PLSCR2: variants seen among roughly 807,000 people sequenced by gnomAD.
PLSCR2 encodes PL scramblase 2.
A neutral mutation model predicts 25.3 loss-of-function variants in PLSCR2; 18 were observed. That is an observed-to-expected ratio of 0.71 (90% confidence interval 0.49 to 1.06). The LOEUF (loss-of-function observed/expected upper bound fraction) is 1.06. Among genes scored for constraint, PLSCR2 ranks in the 50% least tolerant of loss-of-function variants. PLSCR2 has a pLI of 0.00. For missense variants in PLSCR2, 243 were observed against 269.5 expected, an observed-to-expected ratio of 0.90 and a Z score of 0.69; for synonymous variants, 88 against 87.3, an observed-to-expected ratio of 1.01 and a Z score of -0.04.
At chr3:146,477,065 C>T (rs1036297011) in intron 1 of PLSCR2, among the ~76,000 whole-genome samples, 53 of 152,188 alleles carry the variant, frequency 3.5e-4, no homozygotes, top group Admixed American at 1.9e-3. Flanking sequence ...TGAGAACCCC[C>T]GCAAACAGAG....
intron 2 of PLSCR2, among the ~76,000 whole-genome samples, chr3:146,418,911 T>C (rs1015719326): frequency 2.0e-5 from 3 of 152,154 alleles, no homozygotes; most frequent in African/African-American, 7.2e-5. Flanking sequence ...CTTTGTGTGA[T>C]TGAATACTCT....
Position 146,459,854 on chromosome 3 carries a change from T to C in PLSCR2, c.51A>G (p.Leu17=), listed in dbSNP as rs1226237763. Residue 17 remains leucine (L), a synonymous_variant, in exon 2 of 7, where the codon TTA becomes TTG. Coordinates refer to ENST00000610787, the Ensembl canonical transcript of PLSCR2. Reference sequence around the variant, plus strand: ...TTTACGTATTTGAAATTACCTGACTTAAGTATTCCAATCCTGGCGGACAGT... The same window carrying C: ...TTTACGTATTTGAAATTACCTGACTCAAGTATTCCAATCCTGGCGGACAGT... The C allele has an allele frequency of 1.9e-6, 3 of 1,608,496 alleles. No individual in the cohort carries two copies. In the South Asian group the frequency reaches 3.3e-5, roughly 18 times the overall value.
intron 1 of PLSCR2, among the ~76,000 whole-genome samples, chr3:146,473,874 C>T (rs1259605215): frequency 6.6e-6 from 1 of 152,186 alleles, no homozygotes. Context: ...CCAGGGACTT[C>T]ACTTTAAGAA....
chr3:146,458,050 C>A (rs2041322633), intron 3 of PLSCR2, among the ~76,000 whole-genome samples: 1 of 152,086 alleles, frequency 6.6e-6, no homozygotes, highest in South Asian at 2.1e-4. Flanking sequence ...TACACAAACA[C>A]AAGGTAAATG....
At chr3:146,452,062 C>T (rs1026659260) in intron 5 of PLSCR2, among the ~76,000 whole-genome samples, 1 of 152,132 alleles carries the variant, frequency 6.6e-6, no homozygotes, top group Non-Finnish European at 1.5e-5. Context: ...GTTGGTTAGA[C>T]GTACAGGAGG....
chr3:146,412,285 G>A (rs2038879237), intron 2 of PLSCR2, among the ~76,000 whole-genome samples: 1 of 152,084 alleles, frequency 6.6e-6, no homozygotes, highest in Non-Finnish European at 1.5e-5. Flanking sequence ...CCACTCCACT[G>A]AGCATTGCCC....
rs1019993141 is a variant in PLSCR2, at chr3:146,458,319, C to A, written c.100+92G>T. 7.2e-6 allele frequency: 8 copies of A among 1,112,734 alleles called. No individual in the cohort carries two copies. In the East Asian group the frequency reaches 2.1e-4, roughly 30 times the overall value. The allele number at this position is 1,112,734 out of a possible 1,614,324, so 68.9% of individuals were successfully genotyped here. On this transcript the variant is annotated intron_variant, in intron 3 of 6. Coordinates refer to ENST00000610787, the Ensembl canonical transcript of PLSCR2. ...TAGTCAGTTTTACCATCCCACATCACTCGGAATGCTATATTTATAGTTTTT... is the reference window on the plus strand; with the variant it reads ...TAGTCAGTTTTACCATCCCACATCAATCGGAATGCTATATTTATAGTTTTT...
Position 146,455,587 on chromosome 3 carries a change from G to C in PLSCR2, c.101-128C>G. ...AAAGAACAAAAAGGAATGGTATTTA[G>C]AGTTGATCAGGCAGAGGAAAAAGGC... On this transcript the variant is annotated intron_variant, in intron 3 of 6. Coordinates refer to ENST00000610787, the Ensembl canonical transcript of PLSCR2. 5 of 633,190 alleles carry C rather than the reference G, an allele frequency of 7.9e-6. 1 individual carries two copies. The South Asian group carries it at 9.9e-5, about 12-fold the overall frequency. The allele number at this position is 633,190 out of a possible 1,614,324, so 39.2% of individuals were successfully genotyped here. A position where few individuals can be genotyped will look rare whatever the true frequency, so the allele number is the denominator to read the frequency against.
At chr3:146,478,708 G>C (rs573310) in intron 1 of PLSCR2, among the ~76,000 whole-genome samples, 1,984 of 152,270 alleles carry the variant, frequency 0.013, 15 homozygotes, top group South Asian at 0.039. Flanking sequence ...AACCTAGCAA[G>C]GCAGGCCAAT....
At chr3:146,441,755 T>TA, downstream of PLSCR2, 2 of 1,484,820 alleles carry the variant, frequency 1.3e-6, no homozygotes, top group Non-Finnish European at 9.3e-7. Flanking sequence ...TGAGGAGACT[T>TA]ACATTAATCC....
chr3:146,462,303 G>GAACTC (rs2041627078), upstream of PLSCR2, among the ~76,000 whole-genome samples: 2 of 151,906 alleles, frequency 1.3e-5, no homozygotes, highest in Admixed American at 1.3e-4. Context: ...TGTTGCCCAG[G>GAACTC]CTGGTCTCAA....
chr3:146,492,138 C>A (rs966983381), intron 1 of PLSCR2, among the ~76,000 whole-genome samples: 1 of 152,102 alleles, frequency 6.6e-6, no homozygotes, highest in African/African-American at 2.4e-5. Flanking sequence ...TATGTTCCGA[C>A]CCTACTGACC....
intron 3 of PLSCR2, among the ~76,000 whole-genome samples, chr3:146,456,888 C>G (rs894037034): frequency 6.6e-6 from 1 of 151,774 alleles, no homozygotes; most frequent in Non-Finnish European, 1.5e-5. Context: ...ATATATTGTG[C>G]AAATATATGT....
intron 2 of PLSCR2, among the ~76,000 whole-genome samples, chr3:146,411,686 C>CT (rs2038857643): frequency 6.6e-6 from 1 of 152,174 alleles, no homozygotes; most frequent in African/African-American, 2.4e-5. Context: ...CAAGAGACAG[C>CT]TAATGCTCAA....
At chr3:146,451,739 T>C (rs1446532084) in intron 5 of PLSCR2, among the ~76,000 whole-genome samples, 1 of 152,144 alleles carries the variant, frequency 6.6e-6, no homozygotes, top group Non-Finnish European at 1.5e-5. Context: ...TATTCACCAA[T>C]AGCCAGTGGT....
chr3:146,436,784 T>G (rs1385047610), downstream of PLSCR2, among the ~76,000 whole-genome samples: 2 of 152,186 alleles, frequency 1.3e-5, no homozygotes, highest in Non-Finnish European at 2.9e-5. Flanking sequence ...CTTGCCTGAT[T>G]GCCCTGGCCA....
intron 1 of PLSCR2, among the ~76,000 whole-genome samples, chr3:146,491,315 C>G (rs1354271040): frequency 6.6e-6 from 1 of 151,740 alleles, no homozygotes; most frequent in African/African-American, 2.4e-5. Context: ...CTTAGAAAAC[C>G]TGATAACTAT....
intron 2 of PLSCR2, among the ~76,000 whole-genome samples, chr3:146,397,235 GA>G (rs2038307132): frequency 6.6e-6 from 1 of 152,108 alleles, no homozygotes; most frequent in Middle Eastern, 3.2e-3. Context: ...GGGTATTGCA[GA>G]AATATAAGTA....
chr3:146,420,452 C>A (rs2039109971), intron 2 of PLSCR2, among the ~76,000 whole-genome samples: 1 of 151,848 alleles, frequency 6.6e-6, no homozygotes, highest in South Asian at 2.1e-4. Flanking sequence ...TGTATATGTA[C>A]ATATAAATAT....
Sources: gnomAD v4.1 joint callset for allele counts (sites outside exome capture counted in the v4.1 genomes callset) on GRCh38, gnomAD v4.1.1 for gene constraint, MANE v1.5 for transcripts, NCBI Gene and HGNC (gene_info 2026-07-23, HGNC 2026-07-21) for gene names.